Variants in IGF2BP3 observed in about 807,000 individuals in gnomAD.
IGF2BP3 encodes insulin like growth factor 2 mRNA binding protein 3, also known as insulin-like growth factor 2 mRNA-binding protein 3.
In IGF2BP3, 9 loss-of-function variants were observed where a neutral mutation model predicts 73.8. The ratio of observed to expected loss-of-function variants is 0.12; its 90% CI spans 0.07 to 0.21. IGF2BP3 has a LOEUF of 0.21. IGF2BP3 is among the 10% of genes least tolerant of loss of function. IGF2BP3 has a pLI of 1.00. For missense variants in IGF2BP3, 542 were observed against 714.0 expected, an observed-to-expected ratio of 0.76 and a Z score of 2.75; for synonymous variants, 258 against 256.7, an observed-to-expected ratio of 1.01 and a Z score of -0.05.
intron 3 of IGF2BP3, among the ~76,000 whole-genome samples, chr7:23,380,345 AGTAGAGAC>A (rs1352209449): frequency 6.6e-6 from 1 of 151,614 alleles, no homozygotes; most frequent in Admixed American, 6.6e-5. Context: ...TGTATTTTTT[AGTAGAGAC>A]GGGGTTTCAC....
Position 23,470,346 on chromosome 7 carries a change from C to T in IGF2BP3, c.-236G>A. Reference sequence around the variant, plus strand: ...AGAAAAGAAAAAGCCTAGCTACAACCCAAACGCATCCACCAGTCTTCCTAA... The same window carrying T: ...AGAAAAGAAAAAGCCTAGCTACAACTCAAACGCATCCACCAGTCTTCCTAA... On this transcript the variant is annotated 5_prime_UTR_variant, in exon 1 of 15. Coordinates refer to ENST00000258729, the MANE Select transcript of IGF2BP3 (RefSeq NM_006547.3). 1 of 320,654 alleles carries T rather than the reference C, an allele frequency of 3.1e-6. No homozygotes were observed. Among genetic ancestry groups the T allele is most frequent in the Non-Finnish European group, 5.7e-6 (1 of 176,444 alleles). 19.9% of individuals were successfully genotyped at this position (320,654 alleles called of 1,614,324 possible).
chr7:23,403,606 T>C lies in IGF2BP3; in HGVS notation c.285+15170A>G, dbSNP rs371375100. Among the ~76,000 whole-genome samples the C allele has an allele frequency of 1.6e-4, 24 of 152,270 alleles. 1 individual carries two copies. Among genetic ancestry groups the C allele is most frequent in the Admixed American group, 9.8e-4 (15 of 15,292 alleles). On this transcript the variant is annotated intron_variant, in intron 3 of 14. Coordinates refer to ENST00000258729, the MANE Select transcript of IGF2BP3 (RefSeq NM_006547.3). The stretch of plus-strand genomic sequence containing the variant: ...AGGAGATATTAGAAGTCATCCTTAT[T>C]TCCACGTTTGAGATGACAGAAGAAT...
At chr7:23,342,485 G>A (rs183150186) in intron 9 of IGF2BP3, among the ~76,000 whole-genome samples, 4 of 152,238 alleles carry the variant, frequency 2.6e-5, no homozygotes, top group East Asian at 1.9e-4. Context: ...AGACAAAACC[G>A]TATTCTGCAT....
At chr7:23,452,532 G>C (rs529479563) in intron 2 of IGF2BP3, among the ~76,000 whole-genome samples, 94 of 152,214 alleles carry the variant, frequency 6.2e-4, no homozygotes, top group Admixed American at 1.0e-3. Flanking sequence ...CCCCAGGCGT[G>C]GTGGCTCATG....
chr7:23,395,189 A>G (rs1786412260), intron 3 of IGF2BP3, among the ~76,000 whole-genome samples: 1 of 152,192 alleles, frequency 6.6e-6, no homozygotes, highest in Non-Finnish European at 1.5e-5. Flanking sequence ...TTTTTTTAAT[A>G]AGAAATTAAA....
At chr7:23,387,043 G>C (rs544612658) in intron 3 of IGF2BP3, among the ~76,000 whole-genome samples, 1 of 148,472 alleles carries the variant, frequency 6.7e-6, no homozygotes, top group Non-Finnish European at 1.5e-5. Context: ...CTCCTGCCTA[G>C]CAACACGGCA....
At chr7:23,326,065 T>C (rs1357143866) in intron 10 of IGF2BP3, among the ~76,000 whole-genome samples, 1 of 151,978 alleles carries the variant, frequency 6.6e-6, no homozygotes, top group Non-Finnish European at 1.5e-5. Flanking sequence ...AATTGACAAA[T>C]GGGATCTAAT....
chr7:23,325,629 AAAAGAAC>A (rs1276213544), intron 10 of IGF2BP3, among the ~76,000 whole-genome samples: 1 of 152,244 alleles, frequency 6.6e-6, no homozygotes, highest in African/African-American at 2.4e-5. Flanking sequence ...ATCCTAAGCC[AAAAGAAC>A]AAAGCTGGAG....
chr7:23,450,126 T>C (rs1044351067), intron 2 of IGF2BP3, among the ~76,000 whole-genome samples: 1 of 152,202 alleles, frequency 6.6e-6, no homozygotes, highest in Admixed American at 6.5e-5. Flanking sequence ...TTCTCTGGCA[T>C]TTGCAGCGAA....
intron 3 of IGF2BP3, chr7:23,415,321 C>T: frequency 4.3e-6 from 1 of 231,854 alleles, no homozygotes; most frequent in South Asian, 4.0e-5. Flanking sequence ...GGTCCCCGTT[C>T]ATCGGCTTCA....
intron 2 of IGF2BP3, among the ~76,000 whole-genome samples, chr7:23,449,125 T>C (rs1788134083): frequency 6.6e-6 from 1 of 152,182 alleles, no homozygotes; most frequent in African/African-American, 2.4e-5. Flanking sequence ...TTATCTTTTT[T>C]TTTTTTCCAA....
intron 3 of IGF2BP3, among the ~76,000 whole-genome samples, chr7:23,415,893 G>A (rs528538632): frequency 6.6e-6 from 1 of 152,166 alleles, no homozygotes; most frequent in Non-Finnish European, 1.5e-5. Flanking sequence ...TGTTATCTGT[G>A]CTCCTGCCTG....
In IGF2BP3 at chr7:23,343,812, G is replaced by T; in HGVS notation, c.983C>A (p.Thr328Lys). ...LTLYNPERTI[T>K]VKGNVETCAK... ...ACATGTCTCAACATTGCCTTTAACT[G>T]TAATAGTGCGTTCTGGATTATACAG... Residue 328 changes from threonine (T) to lysine (K), a missense_variant, in exon 9 of 15, where the codon ACA (threonine) becomes AAA (lysine). Thr to Lys is a moderately conservative substitution (Grantham distance 78, BLOSUM62 -1). Around this residue, in one of 2 missense-constraint regions of IGF2BP3, gnomAD observed 303 missense variants for 472.1 expected, o/e 0.64. Coordinates refer to ENST00000258729, the MANE Select transcript of IGF2BP3 (RefSeq NM_006547.3). 6.2e-7 allele frequency: 1 copy of T among 1,612,792 alleles called. No individual in the cohort carries two copies.
At chr7:23,442,936 T>TG (rs1787970180) in intron 2 of IGF2BP3, among the ~76,000 whole-genome samples, 1 of 152,164 alleles carries the variant, frequency 6.6e-6, no homozygotes, top group Non-Finnish European at 1.5e-5. Flanking sequence ...TAGAATTTTA[T>TG]GTTTAATCAA....
chr7:23,452,302 C>T (rs1394329036), intron 2 of IGF2BP3, among the ~76,000 whole-genome samples: 1 of 151,356 alleles, frequency 6.6e-6, no homozygotes, highest in Non-Finnish European at 1.5e-5. Flanking sequence ...CCGCACCTGG[C>T]CAGAATAGGG....
At chr7:23,409,506 A>G (rs993125153) in intron 3 of IGF2BP3, among the ~76,000 whole-genome samples, 1 of 152,246 alleles carries the variant, frequency 6.6e-6, no homozygotes, top group East Asian at 1.9e-4. Context: ...ACTTATAAAG[A>G]TACCGTAACC....
rs274056 is a variant in IGF2BP3, at chr7:23,351,726, C to G, written c.402-140G>C. The G allele has an allele frequency of 1.5e-4, 122 of 805,948 alleles. 1 individual carries two copies. In the East Asian group the frequency reaches 3.1e-3, roughly 21 times the overall value. The allele number at this position is 805,948 out of a possible 1,614,324, so 49.9% of individuals were successfully genotyped here. A position where few individuals can be genotyped will look rare whatever the true frequency, so the allele number is the denominator to read the frequency against. On this transcript the variant is annotated intron_variant, in intron 5 of 14. Transcript: ENST00000258729. ...GAAGCCCCAGCACAAGCAGCAAACC[C>G]GCAACACACATAATCCTCCCCTCTC...
intron 11 of IGF2BP3, among the ~76,000 whole-genome samples, chr7:23,318,109 G>A (rs1784041342): frequency 6.6e-6 from 1 of 152,304 alleles, no homozygotes; most frequent in South Asian, 2.1e-4. Flanking sequence ...CACTACACCA[G>A]TGGTGCTCAA....
At chr7:23,405,920 T>C (rs925464828) in intron 3 of IGF2BP3, among the ~76,000 whole-genome samples, 1 of 152,196 alleles carries the variant, frequency 6.6e-6, no homozygotes, top group South Asian at 2.1e-4. Context: ...TGGAGAAGAA[T>C]GCTGTGGACA....
Sources: allele counts gnomAD v4.1 joint callset (sites outside exome capture counted in the v4.1 genomes callset), GRCh38; gene constraint gnomAD v4.1.1; regional missense constraint gnomAD v4.1.1; transcripts MANE v1.5; gene names NCBI Gene and HGNC (gene_info 2026-07-23, HGNC 2026-07-21).